The following NLGN1 variants were observed in gnomAD, a reference collection of about 807,000 sequenced individuals.
The protein encoded by NLGN1 is neuroligin 1.
NLGN1 carries 12 observed loss-of-function variants against 65.5 expected under a neutral mutation model. That is an observed-to-expected ratio of 0.18 (90% CI 0.12 to 0.30). NLGN1 has a LOEUF of 0.30. Among genes scored for constraint, NLGN1 ranks in the 10% least tolerant of loss-of-function variants. The pLI is 1.00. For synonymous variants in NLGN1, 350 were observed against 359.5 expected (o/e 0.97, Z 0.30); for missense variants, 750 against 1,007.1 (o/e 0.74, Z 3.46).
intron 4 of NLGN1, among the ~76,000 whole-genome samples, chr3:174,234,520 C>CT (rs1350734031): frequency 6.6e-6 from 1 of 152,204 alleles, no homozygotes; most frequent in East Asian, 1.9e-4. Context: ...GATTTTGCCT[C>CT]TTAATGCACA....
intron 4 of NLGN1, among the ~76,000 whole-genome samples, chr3:173,812,852 G>C (rs967442247): frequency 6.7e-6 from 1 of 148,320 alleles, no homozygotes; most frequent in Non-Finnish European, 1.5e-5. Context: ...AGTAACACTT[G>C]TTTTCAGCAT....
At chr3:173,848,315 A>C (rs1225991030) in intron 4 of NLGN1, among the ~76,000 whole-genome samples, 2 of 152,186 alleles carry the variant, frequency 1.3e-5, no homozygotes, top group Non-Finnish European at 2.9e-5. Context: ...ATAATCTCTG[A>C]CAGACAGTGA....
intron 4 of NLGN1, among the ~76,000 whole-genome samples, chr3:174,225,138 C>T (rs1739384003): frequency 6.6e-6 from 1 of 152,180 alleles, no homozygotes; most frequent in Non-Finnish European, 1.5e-5. Context: ...ATATTAGTCA[C>T]AGCATAATAT....
chr3:173,945,008 A>G (rs1489062965), intron 4 of NLGN1, among the ~76,000 whole-genome samples: 1 of 152,122 alleles, frequency 6.6e-6, no homozygotes. Context: ...TTACTGAATA[A>G]TTTGGACCTT....
At chr3:173,871,381 G>C (rs897838224) in intron 4 of NLGN1, among the ~76,000 whole-genome samples, 2 of 151,988 alleles carry the variant, frequency 1.3e-5, no homozygotes, top group African/African-American at 4.8e-5. Context: ...TTTTGTATTA[G>C]CCCTCAGTGA....
intron 3 of NLGN1, among the ~76,000 whole-genome samples, chr3:173,702,439 A>G (rs1767371049): frequency 1.3e-5 from 2 of 152,220 alleles, no homozygotes; most frequent in Admixed American, 1.3e-4. Flanking sequence ...GAAGACAAAC[A>G]TAAACAAATG....
chr3:173,862,282 G>A (rs564300265), intron 4 of NLGN1, among the ~76,000 whole-genome samples: 25 of 151,192 alleles, frequency 1.7e-4, no homozygotes, highest in African/African-American at 4.8e-4. Context: ...CGAGGCGGGC[G>A]GATCACGAGG....
At chr3:173,841,564 T>C (rs748453496) in intron 4 of NLGN1, among the ~76,000 whole-genome samples, 54 of 152,248 alleles carry the variant, frequency 3.5e-4, no homozygotes, top group Non-Finnish European at 6.8e-4. Flanking sequence ...GAGGAAGCCA[T>C]TGATTGGAGA....
chr3:173,980,632 A>G (rs1375870722), intron 4 of NLGN1, among the ~76,000 whole-genome samples: 3 of 152,064 alleles, frequency 2.0e-5, no homozygotes, highest in South Asian at 2.1e-4. Flanking sequence ...ACACACATGA[A>G]AGTTGATATG....
chr3:174,237,730 T>C (rs1034752164), intron 4 of NLGN1, among the ~76,000 whole-genome samples: 2 of 152,122 alleles, frequency 1.3e-5, no homozygotes, highest in African/African-American at 4.8e-5. Context: ...CTAATTTTTG[T>C]ATTTTTAGTA....
chr3:174,207,704 G>A (rs1022740397), intron 4 of NLGN1, among the ~76,000 whole-genome samples: 2 of 152,104 alleles, frequency 1.3e-5, no homozygotes, highest in Non-Finnish European at 2.9e-5. Flanking sequence ...ATATTTGCTT[G>A]TACCTTTTCA....
intron 4 of NLGN1, among the ~76,000 whole-genome samples, chr3:173,965,411 G>A (rs555439330): frequency 4.0e-5 from 6 of 151,814 alleles, no homozygotes; most frequent in Non-Finnish European, 7.4e-5. Flanking sequence ...TCCACCTCCC[G>A]GGTTCAAGAG....
At chr3:173,409,282 A>G (rs1268957845) in intron 1 of NLGN1, among the ~76,000 whole-genome samples, 2 of 152,202 alleles carry the variant, frequency 1.3e-5, no homozygotes, top group African/African-American at 2.4e-5. Context: ...CAATATGTAA[A>G]TGTGTATCTA....
chr3:174,272,854 T>G (rs2152881358), intron 4 of NLGN1, among the ~76,000 whole-genome samples: 1 of 151,770 alleles, frequency 6.6e-6, no homozygotes, highest in Middle Eastern at 3.4e-3. Flanking sequence ...GCACAATAAC[T>G]TCTACCCAAT....
intron 4 of NLGN1, among the ~76,000 whole-genome samples, chr3:174,124,033 G>A (rs778164348): frequency 1.3e-5 from 2 of 152,034 alleles, no homozygotes; most frequent in East Asian, 3.9e-4. Context: ...TCATAAGGGC[G>A]GGGCCTTACT....
intron 3 of NLGN1, among the ~76,000 whole-genome samples, chr3:173,750,602 A>T (rs529326628): frequency 6.6e-6 from 1 of 152,236 alleles, no homozygotes; most frequent in South Asian, 2.1e-4. Context: ...AAATAATTTT[A>T]TGTCTATTGA....
intron 3 of NLGN1, among the ~76,000 whole-genome samples, chr3:173,753,327 CA>C (rs952246061): frequency 2.0e-5 from 3 of 152,120 alleles, no homozygotes; most frequent in Non-Finnish European, 4.4e-5. Context: ...TCAACATACC[CA>C]AACTCTTCTT....
chr3:173,526,986 C>T (rs1311229483), intron 2 of NLGN1, among the ~76,000 whole-genome samples: 1 of 152,156 alleles, frequency 6.6e-6, no homozygotes, highest in Non-Finnish European at 1.5e-5. Flanking sequence ...TTTCTTTATC[C>T]ATTCATCTCC....
At chr3:174,181,065 G>GACA (rs919428429) in intron 4 of NLGN1, among the ~76,000 whole-genome samples, 13 of 152,280 alleles carry the variant, frequency 8.5e-5, no homozygotes, top group Admixed American at 6.5e-4. Context: ...TCAGAGACCT[G>GACA]TGTTGCAGAA....
Sources: allele counts gnomAD v4.1 joint callset (sites outside exome capture counted in the v4.1 genomes callset), GRCh38; gene constraint gnomAD v4.1.1; transcripts MANE v1.5; gene names NCBI Gene and HGNC (gene_info 2026-07-23, HGNC 2026-07-21).